The following CD83 variants were observed in gnomAD, a reference collection of about 807,000 sequenced individuals.
CD83 encodes the protein CD83 antigen.
CD83 carries 22 observed loss-of-function variants against 24.6 expected under a neutral mutation model. The ratio of observed to expected loss-of-function variants is 0.90; its 90% CI spans 0.64 to 1.28. CD83 has a LOEUF of 1.28. Among genes scored for constraint, CD83 ranks in the 50% most tolerant of loss-of-function variants. The pLI, the probability that CD83 is intolerant of heterozygous loss-of-function variation, is 0.00. For missense variants in CD83, 253 were observed against 252.8 expected, an observed-to-expected ratio of 1.00 and a Z score of -0.01; for synonymous variants, 101 against 103.5, an observed-to-expected ratio of 0.98 and a Z score of 0.14.
chr6:14,124,210 T>C (rs182172810), intron 2 of CD83, among the ~76,000 whole-genome samples: 166 of 152,346 alleles, frequency 1.1e-3, no homozygotes, highest in African/African-American at 3.6e-3. Flanking sequence ...GGCTTGTTAA[T>C]ATCACTTGAT....
chr6:14,121,467 C>T (rs771590117), intron 2 of CD83, among the ~76,000 whole-genome samples: 2 of 151,376 alleles, frequency 1.3e-5, no homozygotes, highest in Non-Finnish European at 2.9e-5. Flanking sequence ...ATGAGCCAAT[C>T]GATTTATCTT....
chr6:14,134,980 A>G, intron 4 of CD83, 128 bp from the exon 5 acceptor site: 1 of 817,364 alleles, frequency 1.2e-6, no homozygotes, highest in Non-Finnish European at 2.0e-6. Flanking sequence ...GGAGCGAGTG[A>G]GGCAGTGAGT....
chr6:14,130,050 G>A lies in CD83; in HGVS notation c.154-1470G>A, dbSNP rs191954923. Among the ~76,000 whole-genome samples the A allele has an allele frequency of 1.1e-4, 16 of 152,270 alleles. No homozygotes were observed. The East Asian group carries it at 2.9e-3, about 28-fold the overall frequency. On this transcript the variant is annotated intron_variant, in intron 2 of 4. Coordinates refer to ENST00000379153, the MANE Select transcript of CD83 (RefSeq NM_004233.4). ...ATAGGTGCAAGCAAAGACAGTGGCA[G>A]TGGGCCCTGATAATCTCTGTCTCCT...
rs555062784 is a variant in CD83 at position 14,135,586 on chromosome 6, G to A, written c.*350G>A. On this transcript the variant is annotated 3_prime_UTR_variant, in exon 5 of 5. Transcript: ENST00000379153. The stretch of plus-strand genomic sequence containing the variant: ...AAATATGAATGCCCCCAGCTGGCCC[G>A]TGACAGACTCCTGAGGACAGCTGTC... The A allele has an allele frequency of 8.3e-5, 17 of 204,376 alleles. No individual in the cohort carries two copies. Among genetic ancestry groups the A allele is most frequent in the African/African-American group, 2.7e-4 (12 of 43,998 alleles). The allele number at this position is 204,376 out of a possible 1,614,324, so 12.7% of individuals were successfully genotyped here.
At chr6:14,134,858 A>C (rs921857973) in intron 4 of CD83, among the ~76,000 whole-genome samples, 1 of 152,236 alleles carries the variant, frequency 6.6e-6, no homozygotes, top group Non-Finnish European at 1.5e-5. Context: ...TTCTGTGGGC[A>C]TTGACTTTCC....
intron 2 of CD83, among the ~76,000 whole-genome samples, chr6:14,121,921 A>G (rs9464661): frequency 0.043 from 6,584 of 152,208 alleles, 483 homozygotes; most frequent in African/African-American, 0.15. Context: ...ATCACTAAAG[A>G]TAGTAATGAG....
In CD83 at chr6:14,133,729, T is replaced by C. The variant is rs1323265677; in HGVS notation, c.463T>C (p.Tyr155His). Residue 155 changes from tyrosine to histidine, a missense_variant, in exon 4 of 5, where the codon TAC becomes CAC. Transcript: ENST00000379153. ...IVLLLALVIFYLTLIIFTCKF... is the reference protein window; with the variant it reads ...IVLLLALVIFHLTLIIFTCKF... ...CCTGCTGCTGGCTCTGGTTATTTTC[T>C]ACTTAACACTCATCATTTTCACTTG... 6.2e-7 allele frequency: 1 copy of C among 1,611,044 alleles called. No homozygotes were observed. Among genetic ancestry groups the C allele is most frequent in the Admixed American group, 1.7e-5 (1 of 59,940 alleles).
At chr6:14,119,933 T>C (rs958950215) in intron 2 of CD83, among the ~76,000 whole-genome samples, 1 of 152,244 alleles carries the variant, frequency 6.6e-6, no homozygotes, top group Non-Finnish European at 1.5e-5. Context: ...ACCATAGCAA[T>C]TAACCTTGGA....
intron 4 of CD83, among the ~76,000 whole-genome samples, chr6:14,134,669 G>C (rs1023183831): frequency 1.3e-5 from 2 of 152,158 alleles, no homozygotes; most frequent in African/African-American, 4.8e-5. Flanking sequence ...CACCTACTAT[G>C]TTCAAGGCAT....
At chr6:14,135,075 T>C (rs751901493) in intron 4 of CD83, 33 bp from the exon 5 acceptor site, 1 of 1,610,402 alleles carries the variant, frequency 6.2e-7, no homozygotes, top group Non-Finnish European at 8.5e-7. Flanking sequence ...TTTTTCCAAT[T>C]ATTCACTTCA....
chr6:14,124,018 C>T (rs1300789417), intron 2 of CD83, among the ~76,000 whole-genome samples: 1 of 152,188 alleles, frequency 6.6e-6, no homozygotes, highest in Non-Finnish European at 1.5e-5. Flanking sequence ...CTGGAATAAC[C>T]CTAAATTTTG....
At chr6:14,130,833 T>TA (rs1311913915) in intron 2 of CD83, among the ~76,000 whole-genome samples, 2 of 152,340 alleles carry the variant, frequency 1.3e-5, no homozygotes, top group East Asian at 3.9e-4. Context: ...AGTCAGCTGT[T>TA]ACTGCCCTTC....
At chr6:14,131,010 C>A (rs567984444) in intron 2 of CD83, among the ~76,000 whole-genome samples, 1 of 152,160 alleles carries the variant, frequency 6.6e-6, no homozygotes, top group African/African-American at 2.4e-5. Flanking sequence ...GGTGACTGTT[C>A]GCAGGAGGCG....
rs1421914637 is a variant in CD83, at chr6:14,117,912, C to A, written c.38-38C>A. 6.3e-7 allele frequency: 1 copy of A among 1,587,580 alleles called. No individual in the cohort carries two copies. Among genetic ancestry groups the A allele is most frequent in the South Asian group, 1.1e-5 (1 of 88,346 alleles). On this transcript the variant is annotated intron_variant, in intron 1 of 4. Transcript: ENST00000379153. This position sits in a 1 kb window ranked among gnomAD's most constrained non-coding sequence, Gnocchi z 4.6. The stretch of plus-strand genomic sequence containing the variant: ...GCCCCTCCACGACACCCCCTCCCGT[C>A]GGTCGCTTGCTCACGACGCGCTCTC...
chr6:14,133,844 A>C lies in CD83; in HGVS notation c.489+89A>C, dbSNP rs1185984792. 4.7e-6 allele frequency: 4 copies of C among 851,290 alleles called. No homozygotes were observed. In the East Asian group the frequency reaches 7.7e-5, roughly 16 times the overall value. The allele number at this position is 851,290 out of a possible 1,614,324, so 52.7% of individuals were successfully genotyped here. A position where few individuals can be genotyped will look rare whatever the true frequency, so the allele number is the denominator to read the frequency against. ...CTCTTGCAGATAGTGCGAATCATTT[A>C]ATAATGGTGAGAGAGATTATTCTTT... On this transcript the variant is annotated intron_variant, in intron 4 of 4. Transcript: ENST00000379153.
At position 14,129,860 on chromosome 6, in the gene CD83, T is replaced by TGTGTGTGTGTGTATAC. The variant is rs1276609205; in HGVS notation, c.154-1656_154-1655insGTGTGTGTATACGTGT. Among the ~76,000 whole-genome samples, 489 of 151,916 alleles carry TGTGTGTGTGTGTATAC rather than the reference T, an allele frequency of 3.2e-3. 3 individuals are homozygous for TGTGTGTGTGTGTATAC. The highest frequency in any genetic ancestry group is 0.011 in the African/African-American group (448 of 41,320). On this transcript the variant is annotated intron_variant, in intron 2 of 4. Transcript: ENST00000379153. This position sits in a 1 kb window ranked among gnomAD's most constrained non-coding sequence, Gnocchi z 4.3. ...GTGTGTGTGTGTGTGTGTGTGTGTG[T>TGTGTGTGTGTGTATAC]GTGTATACGAGTGCACACGTGCCCA... is the stretch of plus-strand genomic sequence containing the variant.
intron 4 of CD83, among the ~76,000 whole-genome samples, chr6:14,134,335 G>A (rs1230900104): frequency 1.3e-5 from 2 of 152,256 alleles, no homozygotes; most frequent in Non-Finnish European, 2.9e-5. Flanking sequence ...CCCTAGACAT[G>A]CCCATGAGCT....
chr6:14,126,003 G>A (rs1759800264), intron 2 of CD83, among the ~76,000 whole-genome samples: 2 of 152,268 alleles, frequency 1.3e-5, no homozygotes, highest in African/African-American at 4.8e-5. Flanking sequence ...CAATTATACA[G>A]CACTTTTCTT....
chr6:14,118,896 A>C (rs1759606849), intron 2 of CD83, among the ~76,000 whole-genome samples: 1 of 152,134 alleles, frequency 6.6e-6, no homozygotes. Context: ...TTTTAACCCA[A>C]ATGAATATGA....
Sources: gnomAD v4.1 joint callset for allele counts (sites outside exome capture counted in the v4.1 genomes callset) on GRCh38, gnomAD v4.1.1 for gene constraint, Gnocchi (gnomAD v3.1) non-coding constraint, MANE v1.5 for transcripts, NCBI Gene and HGNC (gene_info 2026-07-23, HGNC 2026-07-21) for gene names.